The following PAK5 variants were observed in gnomAD, a reference collection of about 807,000 sequenced individuals.
PAK5 encodes p21 (RAC1) activated kinase 5, also known as serine/threonine-protein kinase PAK 5.
PAK5 carries 16 observed loss-of-function variants against 65.9 expected under a neutral mutation model. The observed-to-expected ratio is 0.24, with a 90% CI of 0.16 to 0.37. The LOEUF (loss-of-function observed/expected upper bound fraction) is 0.37. Among genes scored for constraint, PAK5 ranks in the 10% least tolerant of loss-of-function variants. PAK5 has a pLI of 1.00. For synonymous variants in PAK5, 371 were observed against 354.9 expected (o/e 1.05, Z -0.51); for missense variants, 785 against 903.9 (o/e 0.87, Z 1.69).
intron 3 of PAK5, among the ~76,000 whole-genome samples, chr20:9,615,424 G>A (rs932760227): frequency 6.6e-6 from 1 of 152,196 alleles, no homozygotes; most frequent in African/African-American, 2.4e-5. Context: ...TGTAGGGGCA[G>A]GGGGCATATG....
intron 2 of PAK5, among the ~76,000 whole-genome samples, chr20:9,657,102 T>C (rs930132713): frequency 6.6e-6 from 1 of 152,116 alleles, no homozygotes; most frequent in South Asian, 2.1e-4. Context: ...AACTGTTCTA[T>C]CCCCACAAAG....
At chr20:9,736,619 A>G (rs2048392286) in intron 1 of PAK5, among the ~76,000 whole-genome samples, 1 of 152,224 alleles carries the variant, frequency 6.6e-6, no homozygotes, top group South Asian at 2.1e-4. Flanking sequence ...GGTTATTATC[A>G]TGAAGGTTTC....
chr20:9,753,136 C>T (rs542529971), intron 1 of PAK5, among the ~76,000 whole-genome samples: 16 of 152,218 alleles, frequency 1.1e-4, no homozygotes, highest in African/African-American at 3.4e-4. Context: ...AGCCTAGATG[C>T]ACAATAATTC....
intron 3 of PAK5, 55 bp downstream of exon 3, chr20:9,644,070 C>T: frequency 4.6e-6 from 6 of 1,309,090 alleles, no homozygotes; most frequent in South Asian, 3.5e-5. Flanking sequence ...TGATGCAGTG[C>T]ATTAAATAAG....
chr20:9,666,986 A>G (rs780225622), intron 2 of PAK5, among the ~76,000 whole-genome samples: 18 of 152,154 alleles, frequency 1.2e-4, no homozygotes, highest in Admixed American at 2.0e-4. Context: ...TTTCATTAAG[A>G]TGTAGAGTAG....
intron 3 of PAK5, among the ~76,000 whole-genome samples, chr20:9,639,376 T>C (rs2047022112): frequency 1.3e-5 from 2 of 152,204 alleles, no homozygotes; most frequent in African/African-American, 4.8e-5. Flanking sequence ...TGGAGAAAGA[T>C]AGGATTTGCT....
intron 1 of PAK5, among the ~76,000 whole-genome samples, chr20:9,801,225 C>A (rs796744608): frequency 2.6e-5 from 4 of 152,134 alleles, no homozygotes; most frequent in South Asian, 2.1e-4. Flanking sequence ...TTCACTGTAA[C>A]CTACAAGGAG....
intron 1 of PAK5, among the ~76,000 whole-genome samples, chr20:9,805,333 T>C (rs542237133): frequency 2.0e-5 from 3 of 152,224 alleles, no homozygotes; most frequent in African/African-American, 7.2e-5. Flanking sequence ...AAATTAAACA[T>C]AAAACTACCT....
chr20:9,828,486 G>C (rs971586934), intron 1 of PAK5, among the ~76,000 whole-genome samples: 6 of 152,076 alleles, frequency 3.9e-5, no homozygotes, highest in African/African-American at 1.4e-4. Flanking sequence ...CATAGCAACT[G>C]TTCCTACTTT....
intron 3 of PAK5, among the ~76,000 whole-genome samples, chr20:9,615,417 A>G (rs1048605611): frequency 1.3e-5 from 2 of 152,190 alleles, no homozygotes; most frequent in Non-Finnish European, 2.9e-5. Flanking sequence ...GTGCATGTGT[A>G]GGGGCAGGGG....
rs186952297 is a variant in PAK5, at chr20:9,641,207, T to C, written c.204+2918A>G. On this transcript the variant is annotated intron_variant, in intron 3 of 9. Transcript: ENST00000353224. ...AGAGCAGCTAGATACAGAGTGTCGA[T>C]TGGTGCACCCACAAACCTTGAGCTA... Among the ~76,000 whole-genome samples, 537 of 144,068 alleles carry C rather than the reference T, an allele frequency of 3.7e-3. 1 individual carries two copies. Among genetic ancestry groups the C allele is most frequent in the African/African-American group, 0.012 (459 of 39,396 alleles). The allele number at this position is 144,068 out of a possible 152,430, so 94.5% of individuals were successfully genotyped here.
intron 3 of PAK5, among the ~76,000 whole-genome samples, chr20:9,615,467 T>C (rs2046638486): frequency 6.6e-6 from 1 of 152,168 alleles, no homozygotes; most frequent in Non-Finnish European, 1.5e-5. Flanking sequence ...AATTTTGCAG[T>C]GAACCTAAAA....
intron 4 of PAK5, among the ~76,000 whole-genome samples, chr20:9,569,399 C>T (rs1438093114): frequency 6.6e-6 from 1 of 152,064 alleles, no homozygotes; most frequent in African/African-American, 2.4e-5. Flanking sequence ...TATTAAAAGC[C>T]ATGATACTGA....
intron 1 of PAK5, among the ~76,000 whole-genome samples, chr20:9,760,905 C>T (rs1299464973): frequency 6.6e-6 from 1 of 151,968 alleles, no homozygotes; most frequent in Non-Finnish European, 1.5e-5. Context: ...AACTCCTGAC[C>T]TCAAGTGTTC....
intron 4 of PAK5, among the ~76,000 whole-genome samples, chr20:9,569,940 C>T (rs1409785026): frequency 2.7e-5 from 4 of 149,194 alleles, no homozygotes; most frequent in Non-Finnish European, 5.9e-5. Flanking sequence ...AGCTGCCCTC[C>T]TGCCCTGGTT....
At chr20:9,690,261 G>A (rs1298094595) in intron 2 of PAK5, among the ~76,000 whole-genome samples, 1 of 152,196 alleles carries the variant, frequency 6.6e-6, no homozygotes, top group Non-Finnish European at 1.5e-5. Flanking sequence ...CATGTGGGGT[G>A]TGTAGTGGCT....
chr20:9,612,891 G>A (rs1433251138), intron 3 of PAK5, among the ~76,000 whole-genome samples: 2 of 151,552 alleles, frequency 1.3e-5, no homozygotes, highest in Non-Finnish European at 2.9e-5. Context: ...AGTTTTTACT[G>A]TATCTCCCCC....
chr20:9,837,273 T>C (rs960692388), intron 1 of PAK5, among the ~76,000 whole-genome samples: 1 of 152,230 alleles, frequency 6.6e-6, no homozygotes, highest in Non-Finnish European at 1.5e-5. Context: ...TGGACATTTA[T>C]GGCTTTAATT....
chr20:9,790,963 G>C (rs556583581), intron 1 of PAK5, among the ~76,000 whole-genome samples: 2 of 152,246 alleles, frequency 1.3e-5, no homozygotes, highest in East Asian at 3.9e-4. Context: ...TGTTGGGAAT[G>C]GGTTACATTC....
Sources: allele counts gnomAD v4.1 joint callset (sites outside exome capture counted in the v4.1 genomes callset), GRCh38; gene constraint gnomAD v4.1.1; transcripts MANE v1.5; gene names NCBI Gene and HGNC (gene_info 2026-07-23, HGNC 2026-07-21).